TAFA5: variants seen among roughly 807,000 people sequenced by gnomAD.
TAFA5 encodes the protein TAFA chemokine like family member 5, also known as chemokine-like protein TAFA-5.
TAFA5 carries 6 observed loss-of-function variants against 15.3 expected under a neutral mutation model. The observed-to-expected ratio is 0.39, with a 90% confidence interval of 0.21 to 0.77. The LOEUF is 0.77. TAFA5 is among the 30% of genes least tolerant of loss of function. The probability of loss-of-function intolerance (pLI) is 0.41; values close to 1 mark genes in which losing one functional copy is unlikely to be tolerated. For synonymous variants in TAFA5, 103 were observed against 80.7 expected (o/e 1.28, Z -1.48); for missense variants, 161 against 193.1 (o/e 0.83, Z 0.98).
chr22:48,693,824 G>A (rs968655800), intron 2 of TAFA5, among the ~76,000 whole-genome samples: 1 of 152,178 alleles, frequency 6.6e-6, no homozygotes, highest in East Asian at 1.9e-4. Flanking sequence ...GGTGTGGTCA[G>A]CCATGGCCAC....
At chr22:48,631,692 C>T (rs909019766) in intron 1 of TAFA5, among the ~76,000 whole-genome samples, 1 of 152,208 alleles carries the variant, frequency 6.6e-6, no homozygotes, top group Non-Finnish European at 1.5e-5. Context: ...TGCTCTTGCC[C>T]GACCACAGCT....
Position 48,742,607 on chromosome 22 carries a change from C to G in TAFA5, c.391-7232C>G, listed in dbSNP as rs965887104. Among the ~76,000 whole-genome samples, 2 of 151,592 alleles carry G rather than the reference C, an allele frequency of 1.3e-5. No homozygotes were observed. Among genetic ancestry groups the G allele is most frequent in the Non-Finnish European group, 2.9e-5 (2 of 67,864 alleles). ...TGATGGACCAGGCGACATGGTGGACCGGGCCGCATGGTGGACCAGGCAACG... is the reference window on the plus strand; with the variant it reads ...TGATGGACCAGGCGACATGGTGGACGGGGCCGCATGGTGGACCAGGCAACG... On this transcript the variant is annotated intron_variant, in intron 3 of 3. Coordinates refer to ENST00000402357, the MANE Select transcript of TAFA5 (RefSeq NM_001082967.3). The surrounding 1 kb of genome is among the most constrained non-coding windows in gnomAD (Gnocchi z 6.2).
intron 2 of TAFA5, among the ~76,000 whole-genome samples, chr22:48,696,506 C>T (rs1928717079): frequency 6.6e-6 from 1 of 152,208 alleles, no homozygotes. Context: ...GCTTCAGATG[C>T]CAGCACTTCC....
At chr22:48,724,741 T>C (rs1417798623) in intron 3 of TAFA5, among the ~76,000 whole-genome samples, 1 of 152,236 alleles carries the variant, frequency 6.6e-6, no homozygotes, top group Non-Finnish European at 1.5e-5. Context: ...CTGGACTTCC[T>C]TCTCAGGCCT....
chr22:48,682,363 G>A (rs1032897597), intron 2 of TAFA5, among the ~76,000 whole-genome samples: 9 of 152,206 alleles, frequency 5.9e-5, no homozygotes, highest in African/African-American at 1.9e-4. Context: ...GAAGGGGTTG[G>A]GGCAGAAGGG....
At chr22:48,748,042 G>A (rs1315241025) in intron 3 of TAFA5, among the ~76,000 whole-genome samples, 1 of 152,168 alleles carries the variant, frequency 6.6e-6, no homozygotes, top group Non-Finnish European at 1.5e-5. Context: ...TCTGTTGTTT[G>A]TGTCTGAGCA....
intron 1 of TAFA5, among the ~76,000 whole-genome samples, chr22:48,634,170 T>G (rs1926354270): frequency 6.6e-6 from 1 of 152,148 alleles, no homozygotes; most frequent in Non-Finnish European, 1.5e-5. Context: ...ATTCAATCAT[T>G]TACTCATTCA....
chr22:48,645,095 T>C (rs1926817255), intron 1 of TAFA5, among the ~76,000 whole-genome samples: 1 of 152,216 alleles, frequency 6.6e-6, no homozygotes, highest in African/African-American at 2.4e-5. Context: ...CCTACTCAGA[T>C]GAAGGAGTGA....
chr22:48,728,395 G>A (rs1276494849), intron 3 of TAFA5, among the ~76,000 whole-genome samples: 1 of 152,218 alleles, frequency 6.6e-6, no homozygotes, highest in Non-Finnish European at 1.5e-5. Flanking sequence ...GGTGTCCAAT[G>A]CTGGATGGAG....
In TAFA5 at chr22:48,742,647, G is replaced by A. The variant is rs117259411; in HGVS notation, c.391-7192G>A. On this transcript the variant is annotated intron_variant, in intron 3 of 3. Coordinates refer to ENST00000402357, the MANE Select transcript of TAFA5 (RefSeq NM_001082967.3). The surrounding 1 kb of genome is among the most constrained non-coding windows in gnomAD (Gnocchi z 6.2). ...ACCAGGCAACGTGGTAGACCGGGCC[G>A]CATGGTGGACCAGGCAACGTGGTAG... is the stretch of plus-strand genomic sequence containing the variant. Among the ~76,000 whole-genome samples, 9,300 of 152,196 alleles carry A rather than the reference G, an allele frequency of 0.061. 388 individuals carry two copies. Among genetic ancestry groups the A allele is most frequent in the Non-Finnish European group, 0.088 (6,013 of 67,978 alleles).
At position 48,494,688 on chromosome 22, in the gene TAFA5, C is replaced by T. The variant is rs556754423; in HGVS notation, c.112+4984C>T. ...TGGAGGCCCTGGATAGGCCTGGAGCCCAGGAACAGCAGCTCCAGCCACCCT... is the reference window on the plus strand; with the variant it reads ...TGGAGGCCCTGGATAGGCCTGGAGCTCAGGAACAGCAGCTCCAGCCACCCT... On this transcript the variant is annotated intron_variant, in intron 1 of 3. Coordinates refer to ENST00000402357, the MANE Select transcript of TAFA5 (RefSeq NM_001082967.3). Among the ~76,000 whole-genome samples the T allele has an allele frequency of 3.3e-5, 5 of 152,286 alleles. No homozygotes were observed. In the East Asian group the frequency reaches 5.8e-4, roughly 18 times the overall value.
At chr22:48,656,477 G>A (rs1448674929) in intron 2 of TAFA5, among the ~76,000 whole-genome samples, 1 of 151,470 alleles carries the variant, frequency 6.6e-6, no homozygotes, top group African/African-American at 2.4e-5. Flanking sequence ...CTGAACTCCA[G>A]CCTGGTGACA....
At chr22:48,493,983 C>T (rs1413930486) in intron 1 of TAFA5, among the ~76,000 whole-genome samples, 1 of 152,212 alleles carries the variant, frequency 6.6e-6, no homozygotes, top group Non-Finnish European at 1.5e-5. Context: ...TTCCACTGTC[C>T]ACACAGGTGT....
At chr22:48,591,206 C>T (rs1924555415) in intron 1 of TAFA5, among the ~76,000 whole-genome samples, 1 of 152,236 alleles carries the variant, frequency 6.6e-6, no homozygotes, top group South Asian at 2.1e-4. Flanking sequence ...TGACAGCAAC[C>T]TGAAGAGTTC....
At chr22:48,732,400 G>A (rs903678456) in intron 3 of TAFA5, among the ~76,000 whole-genome samples, 28 of 152,116 alleles carry the variant, frequency 1.8e-4, no homozygotes, top group African/African-American at 5.3e-4. Context: ...GGGTCTACAG[G>A]CGCCCGCCAC....
intron 3 of TAFA5, among the ~76,000 whole-genome samples, chr22:48,732,768 G>A (rs1299221672): frequency 6.6e-6 from 1 of 152,182 alleles, no homozygotes; most frequent in Non-Finnish European, 1.5e-5. Context: ...CATGAAAGGA[G>A]AGTCAATCGA....
chr22:48,638,893 C>G (rs947276333), intron 1 of TAFA5, among the ~76,000 whole-genome samples: 2 of 118,314 alleles, frequency 1.7e-5, no homozygotes, highest in African/African-American at 7.8e-5. Context: ...CAGGCGGGAC[C>G]CCCCCCCATC....
At chr22:48,731,761 G>A (rs1442930235) in intron 3 of TAFA5, among the ~76,000 whole-genome samples, 1 of 152,216 alleles carries the variant, frequency 6.6e-6, no homozygotes, top group Non-Finnish European at 1.5e-5. Flanking sequence ...GATCACCCAA[G>A]ATCTCGGATG....
intron 1 of TAFA5, chr22:48,545,703 G>T (rs1189532471): frequency 6.6e-6 from 1 of 152,398 alleles, no homozygotes; most frequent in Non-Finnish European, 1.5e-5. Context: ...AGCTGGGCAG[G>T]TCCCTTGGGT....
Sources: gnomAD v4.1 joint callset for allele counts (sites outside exome capture counted in the v4.1 genomes callset) on GRCh38, gnomAD v4.1.1 for gene constraint, Gnocchi (gnomAD v3.1) non-coding constraint, MANE v1.5 for transcripts, NCBI Gene and HGNC (gene_info 2026-07-23, HGNC 2026-07-21) for gene names.